ARID1B: variants seen among roughly 807,000 people sequenced by gnomAD.
The protein encoded by ARID1B is AT-rich interaction domain 1B.
In ARID1B, 30 loss-of-function variants were observed where a neutral mutation model predicts 212.3. That is an observed-to-expected ratio of 0.14 (90% CI 0.11 to 0.19). ARID1B has a LOEUF of 0.19. Ranked by LOEUF, ARID1B falls within the 10% of genes least tolerant of loss-of-function variation. The probability of loss-of-function intolerance (pLI) is 1.00; values close to 1 mark genes in which losing one functional copy is unlikely to be tolerated. For synonymous variants in ARID1B, 1,402 were observed against 1,301.7 expected (o/e 1.08, Z -1.66); for missense variants, 2,891 against 3,204.0 (o/e 0.90, Z 2.36).
intron 4 of ARID1B, chr6:157,022,990 A>C (rs560634972): frequency 6.6e-6 from 1 of 152,322 alleles, no homozygotes; most frequent in East Asian, 1.9e-4. Context: ...GCACGTGTGA[A>C]TATGCATAGA....
At chr6:157,070,641 T>C (rs979641578) in intron 4 of ARID1B, among the ~76,000 whole-genome samples, 1 of 152,238 alleles carries the variant, frequency 6.6e-6, no homozygotes, top group Non-Finnish European at 1.5e-5. Flanking sequence ...TTCTGGAGCA[T>C]GCGGCAGTAT....
chr6:157,043,581 A>G (rs929223142), intron 4 of ARID1B, among the ~76,000 whole-genome samples: 1 of 152,186 alleles, frequency 6.6e-6, no homozygotes, highest in Non-Finnish European at 1.5e-5. Flanking sequence ...CATGGTAAAC[A>G]GTGCATAAGT....
At chr6:156,948,394 A>G (rs76187807) in intron 4 of ARID1B, among the ~76,000 whole-genome samples, 6,918 of 150,800 alleles carry the variant, frequency 0.046, 370 homozygotes, top group East Asian at 0.25. Flanking sequence ...TAAATTTCTT[A>G]TAGAGATGGG....
chr6:156,855,893 T>C (rs1784893157), intron 2 of ARID1B, among the ~76,000 whole-genome samples: 2 of 152,166 alleles, frequency 1.3e-5, no homozygotes, highest in African/African-American at 4.8e-5. Flanking sequence ...AAAAAGACAA[T>C]TGTTGAAATA....
At chr6:157,182,106 G>A (rs574942977) in intron 12 of ARID1B, among the ~76,000 whole-genome samples, 1 of 152,210 alleles carries the variant, frequency 6.6e-6, no homozygotes, top group South Asian at 2.1e-4. Context: ...AAACTTAGCC[G>A]GGCGTGGTGA....
chr6:156,815,416 C>CT (rs1358839949), intron 1 of ARID1B, among the ~76,000 whole-genome samples: 2 of 152,164 alleles, frequency 1.3e-5, no homozygotes, highest in Non-Finnish European at 1.5e-5. Context: ...ACACTTTGAA[C>CT]TTTTTTAGGC....
At chr6:157,015,243 A>G (rs1779852741) in intron 4 of ARID1B, among the ~76,000 whole-genome samples, 1 of 152,252 alleles carries the variant, frequency 6.6e-6, no homozygotes, top group South Asian at 2.1e-4. Context: ...AGAAATGGAT[A>G]AGTCCCGGAG....
chr6:156,825,888 A>T (rs1286403237), intron 1 of ARID1B, among the ~76,000 whole-genome samples: 1 of 152,204 alleles, frequency 6.6e-6, no homozygotes, highest in South Asian at 2.1e-4. Context: ...AAATAATCAC[A>T]TTTTATTTTT....
chr6:156,905,801 A>T (rs932389651), intron 3 of ARID1B, among the ~76,000 whole-genome samples: 2 of 151,652 alleles, frequency 1.3e-5, no homozygotes, highest in African/African-American at 4.8e-5. Flanking sequence ...GTATGTGCTT[A>T]TTTTTTCCTA....
At chr6:156,981,884 G>A (rs1325663981) in intron 4 of ARID1B, among the ~76,000 whole-genome samples, 2 of 151,778 alleles carry the variant, frequency 1.3e-5, no homozygotes, top group East Asian at 1.9e-4. Flanking sequence ...GTCTTCATGC[G>A]GTCATACCTG....
intron 4 of ARID1B, among the ~76,000 whole-genome samples, chr6:156,995,577 G>GC (rs1778538043): frequency 6.6e-6 from 1 of 152,230 alleles, no homozygotes; most frequent in Admixed American, 6.5e-5. Context: ...TTTGGGACTA[G>GC]ATCCTCAAGC....
Position 157,084,903 on chromosome 6 carries a change from C to T in ARID1B, c.2489C>T (p.Pro830Leu), listed in dbSNP as rs1784867999. Residue 830 changes from proline (P) to leucine (L), a missense_variant and splice_region_variant, in exon 5 of 20, where the codon CCA becomes CTA. Coordinates refer to ENST00000636930, the MANE Select transcript of ARID1B (RefSeq NM_001374828.1). ...GGCCCAATCTCTCCTGCAAGTATCCCAGGTATTTACTTTCCTGACAATTAT... is the reference window on the plus strand; with the variant it reads ...GGCCCAATCTCTCCTGCAAGTATCCTAGGTATTTACTTTCCTGACAATTAT... ...RSGPISPASI[P>L]GSQMPPQPPG... 6.3e-7 allele frequency: 1 copy of T among 1,599,468 alleles called. No homozygotes were observed. Among genetic ancestry groups the T allele is most frequent in the African/African-American group, 1.3e-5 (1 of 74,342 alleles).
At chr6:157,133,560 T>C (rs771952685) in intron 7 of ARID1B, among the ~76,000 whole-genome samples, 1 of 152,216 alleles carries the variant, frequency 6.6e-6, no homozygotes, top group East Asian at 1.9e-4. Flanking sequence ...TTGGGCTTTG[T>C]TGGGTTGGAT....
chr6:156,778,564 A>AGCC lies in ARID1B; in HGVS notation c.889_891dup (p.Pro297dup). 1 of 1,237,152 alleles carries AGCC rather than the reference A, an allele frequency of 8.1e-7. No homozygotes were observed. Among genetic ancestry groups the AGCC allele is most frequent in the Non-Finnish European group, 1.0e-6 (1 of 992,936 alleles). 76.6% of individuals were successfully genotyped at this position (1,237,152 alleles called of 1,614,324 possible). The stretch of plus-strand genomic sequence containing the variant: ...GGCTTGGGCGCCCTGGGCACGCAGC[A>AGCC]GCCGCCGGTCGCCGTGCCCGGGGGC... On this transcript the variant is annotated inframe_insertion, in exon 1 of 20. Coordinates refer to ENST00000636930, the MANE Select transcript of ARID1B (RefSeq NM_001374828.1).
At chr6:157,163,411 C>G (rs1791084403) in intron 8 of ARID1B, among the ~76,000 whole-genome samples, 1 of 152,204 alleles carries the variant, frequency 6.6e-6, no homozygotes, top group African/African-American at 2.4e-5. Flanking sequence ...CTCCACTAAC[C>G]AAAATCAGTG....
At chr6:157,147,528 A>C (rs1483662888) in intron 7 of ARID1B, among the ~76,000 whole-genome samples, 21 of 2,394 alleles carry the variant, frequency 8.8e-3, no homozygotes, top group Admixed American at 0.041. Context: ...TCCGGCCCTG[A>C]CCTCCGTCCC....
chr6:156,976,710 G>A (rs981048694), intron 4 of ARID1B: 47 of 414,980 alleles, frequency 1.1e-4, no homozygotes, highest in Admixed American at 1.1e-3. Flanking sequence ...CTCCTGGTCC[G>A]TGGACTCTTT....
chr6:157,022,818 A>T (rs779955061), intron 4 of ARID1B: 5 of 152,198 alleles, frequency 3.3e-5, no homozygotes, highest in Admixed American at 6.5e-5. Context: ...CTGCAAATTT[A>T]ATTGATGATC....
At chr6:156,901,120 T>C (rs991637449) in intron 2 of ARID1B, among the ~76,000 whole-genome samples, 1 of 152,182 alleles carries the variant, frequency 6.6e-6, no homozygotes, top group Non-Finnish European at 1.5e-5. Flanking sequence ...CCTCTCCACC[T>C]TTATGATATT....
Sources: gnomAD v4.1 joint callset for allele counts (sites outside exome capture counted in the v4.1 genomes callset) on GRCh38, gnomAD v4.1.1 for gene constraint, MANE v1.5 for transcripts, NCBI Gene and HGNC (gene_info 2026-07-23, HGNC 2026-07-21) for gene names.